Variants in SNTB1 observed in about 807,000 individuals in gnomAD.
SNTB1 encodes syntrophin beta 1.
A neutral mutation model predicts 48.9 loss-of-function variants in SNTB1; 36 were observed. The observed-to-expected ratio is 0.74, with a 90% CI of 0.56 to 0.97. The LOEUF is 0.97. SNTB1 is among the 50% of genes least tolerant of loss of function. The pLI is 0.00. For synonymous variants in SNTB1, 299 were observed against 294.6 expected (o/e 1.01, Z -0.15); for missense variants, 786 against 703.4 (o/e 1.12, Z -1.33).
At chr8:120,544,681 A>C (rs1041795641) in intron 5 of SNTB1, among the ~76,000 whole-genome samples, 108 of 151,582 alleles carry the variant, frequency 7.1e-4, no homozygotes, top group African/African-American at 2.5e-3. Flanking sequence ...TTCCTACAAC[A>C]CTCCCCAAAT....
chr8:120,561,766 T>C (rs889627502), intron 4 of SNTB1, among the ~76,000 whole-genome samples: 2 of 152,214 alleles, frequency 1.3e-5, no homozygotes, highest in Admixed American at 1.3e-4. Context: ...AATCAGCTCT[T>C]ATAACACTCG....
intron 3 of SNTB1, among the ~76,000 whole-genome samples, chr8:120,617,832 G>T (rs976775701): frequency 2.0e-5 from 3 of 152,194 alleles, no homozygotes. Context: ...GGACTAAGGG[G>T]GATGCCCATG....
chr8:120,610,255 G>A (rs539120263), intron 3 of SNTB1, among the ~76,000 whole-genome samples: 1 of 152,268 alleles, frequency 6.6e-6, no homozygotes, highest in Admixed American at 6.5e-5. Flanking sequence ...TCTTGCCTCA[G>A]CCTCCCAGGT....
chr8:120,768,250 C>T (rs905219251), intron 1 of SNTB1, among the ~76,000 whole-genome samples: 1 of 152,204 alleles, frequency 6.6e-6, no homozygotes, highest in Non-Finnish European at 1.5e-5. Flanking sequence ...TCATGCTGTT[C>T]AAGTCCCAGC....
chr8:120,794,334 A>C (rs1408790976), intron 1 of SNTB1, among the ~76,000 whole-genome samples: 1 of 152,048 alleles, frequency 6.6e-6, no homozygotes, highest in Non-Finnish European at 1.5e-5. Flanking sequence ...TTATGACAGC[A>C]TTAAATTTCT....
chr8:120,701,009 G>C (rs1029792404), intron 1 of SNTB1, among the ~76,000 whole-genome samples: 2 of 152,176 alleles, frequency 1.3e-5, no homozygotes, highest in African/African-American at 4.8e-5. Context: ...TAAGGAGAAA[G>C]GGGATTAGCT....
At chr8:120,775,877 G>A (rs539972829) in intron 1 of SNTB1, among the ~76,000 whole-genome samples, 94 of 152,082 alleles carry the variant, frequency 6.2e-4, no homozygotes, top group African/African-American at 2.1e-3. Context: ...TCAAGGGCCC[G>A]GTTCTTTTTT....
intron 2 of SNTB1, among the ~76,000 whole-genome samples, chr8:120,684,246 A>G (rs1817988887): frequency 6.6e-6 from 1 of 152,138 alleles, no homozygotes; most frequent in Non-Finnish European, 1.5e-5. Flanking sequence ...TCTTAATACT[A>G]TTACAATGGA....
At chr8:120,742,859 CAG>C (rs1169998071) in intron 1 of SNTB1, among the ~76,000 whole-genome samples, 1 of 152,150 alleles carries the variant, frequency 6.6e-6, no homozygotes, top group African/African-American at 2.4e-5. Context: ...GTGGGGAGGA[CAG>C]ATCAACTCAC....
At chr8:120,666,118 G>C (rs1817669088) in intron 2 of SNTB1, among the ~76,000 whole-genome samples, 1 of 152,148 alleles carries the variant, frequency 6.6e-6, no homozygotes, top group Non-Finnish European at 1.5e-5. Context: ...ATTTTGATTA[G>C]TATGGCATTG....
At chr8:120,616,043 C>A (rs1313398798) in intron 3 of SNTB1, among the ~76,000 whole-genome samples, 2 of 152,176 alleles carry the variant, frequency 1.3e-5, no homozygotes, top group African/African-American at 4.8e-5. Context: ...CCACATAGTG[C>A]CTACACACCT....
At chr8:120,628,811 T>G (rs995835350) in intron 3 of SNTB1, among the ~76,000 whole-genome samples, 1 of 152,038 alleles carries the variant, frequency 6.6e-6, no homozygotes, top group Admixed American at 6.6e-5. Context: ...AGGCTTTACA[T>G]TGATGTGCAT....
chr8:120,713,289 C>A (rs1337458146), intron 1 of SNTB1, among the ~76,000 whole-genome samples: 1 of 152,160 alleles, frequency 6.6e-6, no homozygotes, highest in East Asian at 1.9e-4. Context: ...ATCTTTCAGT[C>A]TGGATGAACA....
At chr8:120,734,279 A>T (rs1818901924) in intron 1 of SNTB1, among the ~76,000 whole-genome samples, 1 of 152,036 alleles carries the variant, frequency 6.6e-6, no homozygotes, top group Admixed American at 6.6e-5. Context: ...ATCTGTCTCT[A>T]CTAAAAATAC....
At chr8:120,674,845 C>T (rs73708608) in intron 2 of SNTB1, among the ~76,000 whole-genome samples, 3,425 of 152,066 alleles carry the variant, frequency 0.023, 124 homozygotes, top group African/African-American at 0.078. Flanking sequence ...CAAAAATTAG[C>T]GGCCTTGTCT....
intron 4 of SNTB1, among the ~76,000 whole-genome samples, chr8:120,573,671 T>A (rs867335135): frequency 2.0e-5 from 3 of 152,358 alleles, no homozygotes; most frequent in Middle Eastern, 3.4e-3. Flanking sequence ...CAGTTTCAGA[T>A]CTTACCTTTA....
intron 2 of SNTB1, among the ~76,000 whole-genome samples, chr8:120,666,015 C>T (rs549122122): frequency 1.3e-5 from 2 of 152,006 alleles, no homozygotes; most frequent in Non-Finnish European, 2.9e-5. Context: ...CTAGTATTGT[C>T]TTTTTTTAAG....
At chr8:120,805,924 G>A (rs921520902) in intron 1 of SNTB1, among the ~76,000 whole-genome samples, 1 of 152,254 alleles carries the variant, frequency 6.6e-6, no homozygotes, top group Non-Finnish European at 1.5e-5. Context: ...TTTTTGGCAA[G>A]TGACTTAAAC....
intron 2 of SNTB1, among the ~76,000 whole-genome samples, chr8:120,668,085 G>A (rs1482834321): frequency 2.0e-5 from 3 of 152,166 alleles, no homozygotes; most frequent in Non-Finnish European, 2.9e-5. Context: ...AAATCTCCAG[G>A]ATTCTCTGTG....
Sources: allele counts gnomAD v4.1 joint callset (sites outside exome capture counted in the v4.1 genomes callset), GRCh38; gene constraint gnomAD v4.1.1; transcripts MANE v1.5; gene names NCBI Gene and HGNC (gene_info 2026-07-23, HGNC 2026-07-21).